TTC12: variants seen among roughly 807,000 people sequenced by gnomAD.
The protein encoded by TTC12 is tetratricopeptide repeat protein 12.
A neutral mutation model predicts 90.1 loss-of-function variants in TTC12; 70 were observed. The ratio of observed to expected loss-of-function variants is 0.78; its 90% CI spans 0.64 to 0.95. The LOEUF (loss-of-function observed/expected upper bound fraction) is 0.95, where lower values mean the gene tolerates loss of function less well. Among genes scored for constraint, TTC12 ranks in the 40% least tolerant of loss-of-function variants. The pLI, the probability that TTC12 is intolerant of heterozygous loss-of-function variation, is 0.00. For synonymous variants in TTC12, 296 were observed against 311.5 expected, an observed-to-expected ratio of 0.95 and a Z score of 0.53; for missense variants, 819 against 846.1, an observed-to-expected ratio of 0.97 and a Z score of 0.40.
chr11:113,351,932 C>T (rs896708487), intron 15 of TTC12, 138 bp from the exon 16 acceptor site: 2 of 1,006,584 alleles, frequency 2.0e-6, no homozygotes, highest in African/African-American at 3.3e-5. Context: ...GCCAGTGAGA[C>T]CCCAGGGATG....
intron 18 of TTC12, among the ~76,000 whole-genome samples, chr11:113,361,769 G>C (rs1949943200): frequency 6.6e-6 from 1 of 151,652 alleles, no homozygotes; most frequent in Non-Finnish European, 1.5e-5. Context: ...GCAGGTAAAG[G>C]GTCAACCAGA....
intron 13 of TTC12, among the ~76,000 whole-genome samples, chr11:113,345,062 C>T (rs1436989080): frequency 3.3e-5 from 5 of 152,132 alleles, no homozygotes; most frequent in Admixed American, 6.5e-5. Context: ...ACTTGTTTTA[C>T]GTATTTATTT....
intron 6 of TTC12, among the ~76,000 whole-genome samples, chr11:113,328,583 G>A (rs1287230302): frequency 1.3e-5 from 2 of 152,050 alleles, no homozygotes; most frequent in Non-Finnish European, 2.9e-5. Flanking sequence ...TGCTCGGGAG[G>A]ACAGAAGCAG....
chr11:113,321,496 A>T (rs555743686), intron 2 of TTC12, among the ~76,000 whole-genome samples: 18 of 152,370 alleles, frequency 1.2e-4, no homozygotes, highest in African/African-American at 3.8e-4. Flanking sequence ...TCAAGAACAC[A>T]TCTCTAAAGC....
chr11:113,364,866 G>A lies in TTC12; in HGVS notation c.1848G>A (p.Ser616=), dbSNP rs772418099. 62 of 1,614,064 alleles carry A rather than the reference G, an allele frequency of 3.8e-5. No homozygotes were observed. The highest frequency in any genetic ancestry group is 1.6e-4 in the Middle Eastern group (1 of 6,084). Residue 616 remains serine, a synonymous_variant, in exon 21 of 22, where the codon TCG becomes TCA. Transcript: ENST00000529221. ...GCGTTATGATGAAGCTGCTCAGCTC[G>A]GAGGATGAGGTTCTGGTGGGCAACG... is the stretch of plus-strand genomic sequence containing the variant. ...KLSVMMKLLS[S]EDEVLVGNAA... is the part of the protein sequence containing the mutation.
chr11:113,372,544 A>G (rs1950413180), intron 21 of TTC12, among the ~76,000 whole-genome samples: 1 of 152,234 alleles, frequency 6.6e-6, no homozygotes, highest in Non-Finnish European at 1.5e-5. Context: ...TTACTGATAA[A>G]GCACTCACAT....
At chr11:113,347,774 A>T (rs1390864251) in intron 13 of TTC12, among the ~76,000 whole-genome samples, 1 of 152,188 alleles carries the variant, frequency 6.6e-6, no homozygotes, top group Non-Finnish European at 1.5e-5. Context: ...TAGATCCAGC[A>T]CCATAGATGT....
intron 3 of TTC12, among the ~76,000 whole-genome samples, 191 bp downstream of exon 3, chr11:113,323,642 T>G (rs1381444539): frequency 6.6e-6 from 1 of 152,196 alleles, no homozygotes; most frequent in Non-Finnish European, 1.5e-5. Flanking sequence ...TAAACAACCC[T>G]TTGGATCTAT....
rs112008870 is a variant in TTC12, at chr11:113,342,822, G to C, written c.985+897G>C. Among the ~76,000 whole-genome samples the C allele has an allele frequency of 2.3e-3, 349 of 152,276 alleles. 1 individual carries two copies. The highest frequency in any genetic ancestry group is 7.5e-3 in the African/African-American group (311 of 41,538). On this transcript the variant is annotated intron_variant, in intron 12 of 21. Coordinates refer to ENST00000529221, the MANE Select transcript of TTC12 (RefSeq NM_017868.4). ...CATCATCAAGGTGCCTTTCTACTCT[G>C]TGTAAGACCCTGCACCAGCTTAGGG...
intron 6 of TTC12, chr11:113,329,561 C>T (rs1947901368): frequency 6.4e-6 from 3 of 466,392 alleles, no homozygotes; most frequent in Admixed American, 2.3e-5. Context: ...AAGGCCTCAG[C>T]TCATGTCAGG....
intron 7 of TTC12, 45 bp downstream of exon 7, chr11:113,330,024 T>C (rs1186729534): frequency 6.7e-7 from 1 of 1,484,722 alleles, no homozygotes; most frequent in Non-Finnish European, 9.4e-7. Context: ...TGGGCTGAAG[T>C]AGATAGAAGG....
At chr11:113,341,455 G>T (rs951913657) in intron 11 of TTC12, among the ~76,000 whole-genome samples, 13 of 152,172 alleles carry the variant, frequency 8.5e-5, no homozygotes, top group African/African-American at 2.9e-4. Context: ...GACCTGTATG[G>T]TAGGATGCAG....
chr11:113,352,330 A>G, intron 16 of TTC12, 123 bp downstream of exon 16: 1 of 1,262,938 alleles, frequency 7.9e-7, no homozygotes, highest in Non-Finnish European at 1.1e-6. Context: ...CAGTTGGCTT[A>G]TCCCTTCTGT....
chr11:113,360,102 GT>G, intron 18 of TTC12, 94 bp downstream of exon 18: 2 of 540,242 alleles, frequency 3.7e-6, no homozygotes, highest in Admixed American at 5.9e-5. Flanking sequence ...TCTTTTTGAA[GT>G]TGCCACCTTT....
intron 13 of TTC12, among the ~76,000 whole-genome samples, chr11:113,346,966 C>G (rs1949004548): frequency 6.6e-6 from 1 of 152,044 alleles, no homozygotes. Context: ...AAATCTGCCA[C>G]CAAAAAAGAG....
At chr11:113,366,900 C>T (rs190835392), downstream of TTC12, among the ~76,000 whole-genome samples, 15 of 152,326 alleles carry the variant, frequency 9.8e-5, no homozygotes, top group East Asian at 9.7e-4. Context: ...CCCTCTGGCA[C>T]CCTCCTCCAG....
intron 7 of TTC12, among the ~76,000 whole-genome samples, chr11:113,332,879 C>T (rs1197904977): frequency 6.6e-6 from 1 of 152,162 alleles, no homozygotes; most frequent in East Asian, 1.9e-4. Context: ...GGTATCTAGG[C>T]CCGTGGTTTT....
intron 7 of TTC12, among the ~76,000 whole-genome samples, chr11:113,331,966 T>C (rs17115363): frequency 0.025 from 3,859 of 152,334 alleles, 178 homozygotes; most frequent in African/African-American, 0.089. Flanking sequence ...GCTTTTGCTC[T>C]CTTTAAAATT....
Position 113,362,505 on chromosome 11 carries a change from A to C in TTC12, c.1716+3A>C, listed in dbSNP as rs1267343442. 2 of 1,592,784 alleles carry C rather than the reference A, an allele frequency of 1.3e-6. No individual in the cohort carries two copies. The highest frequency in any genetic ancestry group is 2.7e-5 in the African/African-American group (2 of 74,468). ...AGAAAATGATGAAATTCCTGAAGGT[A>C]AGATCACTTTATTGGTTACAACCCC... On this transcript the variant is annotated splice_donor_region_variant and intron_variant, in intron 19 of 21. Transcript: ENST00000529221.
Sources: allele counts gnomAD v4.1 joint callset (sites outside exome capture counted in the v4.1 genomes callset), GRCh38; gene constraint gnomAD v4.1.1; transcripts MANE v1.5; gene names NCBI Gene and HGNC (gene_info 2026-07-23, HGNC 2026-07-21).